The following SFRP1 variants were observed in gnomAD, a reference collection of about 807,000 sequenced individuals.
SFRP1 encodes secreted frizzled-related protein 1.
A neutral mutation model predicts 25.9 loss-of-function variants in SFRP1; 9 were observed. The ratio of observed to expected loss-of-function variants is 0.35; its 90% CI spans 0.21 to 0.61. The LOEUF (loss-of-function observed/expected upper bound fraction) is 0.61, where lower values mean the gene tolerates loss of function less well. SFRP1 is among the 20% of genes least tolerant of loss of function. The pLI is 0.78. For synonymous variants in SFRP1, 178 were observed against 174.0 expected, an observed-to-expected ratio of 1.02 and a Z score of -0.18; for missense variants, 346 against 418.2, an observed-to-expected ratio of 0.83 and a Z score of 1.51.
chr8:41,272,155 C>T (rs1803517712), intron 2 of SFRP1, among the ~76,000 whole-genome samples: 1 of 152,082 alleles, frequency 6.6e-6, no homozygotes, highest in Admixed American at 6.5e-5. Flanking sequence ...ATGCAGTACA[C>T]TACATGGCTC....
intron 2 of SFRP1, among the ~76,000 whole-genome samples, chr8:41,280,111 T>C (rs768844117): frequency 6.6e-6 from 1 of 152,100 alleles, no homozygotes; most frequent in Non-Finnish European, 1.5e-5. Flanking sequence ...CGGCATAAGA[T>C]GGGCAGCGCT....
At chr8:41,280,059 C>T (rs1044155046) in intron 2 of SFRP1, among the ~76,000 whole-genome samples, 62 of 152,162 alleles carry the variant, frequency 4.1e-4, no homozygotes, top group Admixed American at 9.2e-4. Context: ...TTGGCGGGCA[C>T]GAGGTCCAGT....
chr8:41,292,083 G>A (rs1197925694), intron 2 of SFRP1, among the ~76,000 whole-genome samples: 2 of 152,160 alleles, frequency 1.3e-5, no homozygotes, highest in East Asian at 1.9e-4. Flanking sequence ...ACACACCCCA[G>A]GCAGAATTAC....
chr8:41,302,704 G>C (rs950957786), intron 2 of SFRP1, among the ~76,000 whole-genome samples: 6 of 152,114 alleles, frequency 3.9e-5, no homozygotes, highest in South Asian at 2.1e-4. Flanking sequence ...AGACTCTCAG[G>C]GTGTGGTGAA....
intron 2 of SFRP1, among the ~76,000 whole-genome samples, chr8:41,272,651 A>C (rs1803525099): frequency 6.6e-6 from 1 of 152,210 alleles, no homozygotes. Flanking sequence ...TTTAAAAGAT[A>C]AGGTTGAAGA....
At chr8:41,293,731 C>T (rs1483016242) in intron 2 of SFRP1, among the ~76,000 whole-genome samples, 1 of 152,050 alleles carries the variant, frequency 6.6e-6, no homozygotes. Context: ...CTGTCTCGCC[C>T]ACCAGATTCT....
intron 2 of SFRP1, among the ~76,000 whole-genome samples, chr8:41,288,814 C>T (rs1030399716): frequency 2.6e-5 from 4 of 152,148 alleles, no homozygotes; most frequent in Non-Finnish European, 4.4e-5. Flanking sequence ...CCCTATGCAG[C>T]GGAAGGGGCT....
chr8:41,280,540 A>T (rs1803622798), intron 2 of SFRP1, among the ~76,000 whole-genome samples: 1 of 152,152 alleles, frequency 6.6e-6, no homozygotes, highest in South Asian at 2.1e-4. Context: ...CCTTTCTCTC[A>T]AGCCATCTGG....
intron 2 of SFRP1, among the ~76,000 whole-genome samples, chr8:41,284,112 A>G (rs1585512180): frequency 6.6e-6 from 1 of 152,310 alleles, no homozygotes; most frequent in South Asian, 2.1e-4. Context: ...AGAGTGGCTG[A>G]CAGGAGCCTC....
intron 2 of SFRP1, among the ~76,000 whole-genome samples, chr8:41,276,728 A>G (rs1803576534): frequency 6.6e-6 from 1 of 152,218 alleles, no homozygotes. Flanking sequence ...CAAACAAAAC[A>G]AAACAAAAAA....
chr8:41,303,785 T>A (rs1171469748), intron 1 of SFRP1, among the ~76,000 whole-genome samples: 1 of 152,174 alleles, frequency 6.6e-6, no homozygotes, highest in African/African-American at 2.4e-5. Context: ...TAAGCCAGCA[T>A]AACCTGAGGC....
At chr8:41,276,847 G>A (rs1481026030) in intron 2 of SFRP1, 1 of 443,542 alleles carries the variant, frequency 2.3e-6, no homozygotes, top group Admixed American at 2.4e-5. Context: ...CCAGGCAGGA[G>A]AGTAGAGATT....
At chr8:41,273,559 T>C (rs1039228380) in intron 2 of SFRP1, among the ~76,000 whole-genome samples, 3 of 152,164 alleles carry the variant, frequency 2.0e-5, no homozygotes, top group Non-Finnish European at 1.5e-5. Context: ...ATGTGATGTT[T>C]TGTATAAGAG....
At chr8:41,296,509 A>AT (rs1803845747) in intron 2 of SFRP1, among the ~76,000 whole-genome samples, 1 of 151,810 alleles carries the variant, frequency 6.6e-6, no homozygotes, top group African/African-American at 2.4e-5. Flanking sequence ...TCTTCTGGAA[A>AT]AAAAAAAAAA....
chr8:41,302,251 A>G (rs571424089), intron 2 of SFRP1, among the ~76,000 whole-genome samples: 32 of 152,284 alleles, frequency 2.1e-4, no homozygotes, highest in African/African-American at 6.3e-4. Flanking sequence ...CGCGCTCTCC[A>G]GTTTAGCTCT....
chr8:41,306,535 G>A (rs928122982), intron 1 of SFRP1, among the ~76,000 whole-genome samples: 2 of 151,804 alleles, frequency 1.3e-5, no homozygotes, highest in Admixed American at 1.3e-4. Flanking sequence ...CAGGGACCTC[G>A]CAGGAAATCA....
At chr8:41,268,430 G>A (rs953051219) in intron 2 of SFRP1, among the ~76,000 whole-genome samples, 1 of 152,186 alleles carries the variant, frequency 6.6e-6, no homozygotes, top group Non-Finnish European at 1.5e-5. Flanking sequence ...TGATTGTGTT[G>A]CTTTCAATCA....
At chr8:41,275,535 C>T (rs1803561628) in intron 2 of SFRP1, among the ~76,000 whole-genome samples, 1 of 151,202 alleles carries the variant, frequency 6.6e-6, no homozygotes, top group Non-Finnish European at 1.5e-5. Flanking sequence ...CAGAGTTTTG[C>T]TCTTTTGCCC....
chr8:41,288,010 G>C (rs914025908), intron 2 of SFRP1, among the ~76,000 whole-genome samples: 2 of 151,944 alleles, frequency 1.3e-5, no homozygotes, highest in African/African-American at 2.4e-5. Context: ...TTGAGGCCAG[G>C]AGTTCAAGAC....
Sources: allele counts gnomAD v4.1 joint callset (sites outside exome capture counted in the v4.1 genomes callset), GRCh38; gene constraint gnomAD v4.1.1; transcripts MANE v1.5; gene names NCBI Gene and HGNC (gene_info 2026-07-23, HGNC 2026-07-21).